CCDC7: variants seen among roughly 807,000 people sequenced by gnomAD.
The protein encoded by CCDC7 is coiled-coil domain-containing protein 7.
Under a neutral mutation model 196.9 loss-of-function variants are expected in CCDC7, and 183 were observed. The ratio of observed to expected loss-of-function variants is 0.93; its 90% confidence interval spans 0.82 to 1.05. CCDC7 has a LOEUF of 1.05. Ranked by LOEUF, CCDC7 falls within the 50% of genes least tolerant of loss-of-function variation. The probability of loss-of-function intolerance (pLI) is 0.00; values close to 1 mark genes in which losing one functional copy is unlikely to be tolerated. For synonymous variants in CCDC7, 525 were observed against 484.6 expected, an observed-to-expected ratio of 1.08 and a Z score of -1.10; for missense variants, 1,540 against 1,482.2, an observed-to-expected ratio of 1.04 and a Z score of -0.64.
chr10:32,849,701 C>CAAAAAAAAAAAAAAAAA (rs34677799), intron 39 of CCDC7, among the ~76,000 whole-genome samples: 6 of 80,810 alleles, frequency 7.4e-5, no homozygotes, highest in African/African-American at 1.6e-4. Context: ...GACTCCGTCT[C>CAAAAAAAAAAAAAAAAA]AAAAAAAAAA....
At chr10:32,825,334 A>C (rs2090950151) in intron 32 of CCDC7, among the ~76,000 whole-genome samples, 1 of 152,168 alleles carries the variant, frequency 6.6e-6, no homozygotes, top group Non-Finnish European at 1.5e-5. Context: ...GTGGCTGGGA[A>C]AGGCAGACAC....
intron 25 of CCDC7, among the ~76,000 whole-genome samples, chr10:32,720,622 C>T (rs2082272557): frequency 6.6e-6 from 1 of 152,018 alleles, no homozygotes; most frequent in African/African-American, 2.4e-5. Flanking sequence ...AACGATTCCC[C>T]TAAGAACATA....
intron 8 of CCDC7, among the ~76,000 whole-genome samples, chr10:32,485,891 T>A (rs893723581): frequency 9.9e-5 from 15 of 152,212 alleles, no homozygotes; most frequent in African/African-American, 3.6e-4. Context: ...TTCTTTTACA[T>A]TTGCTGAGGA....
intron 20 of CCDC7, among the ~76,000 whole-genome samples, chr10:32,640,731 T>G (rs867289306): frequency 5.4e-4 from 82 of 152,292 alleles, no homozygotes; most frequent in African/African-American, 1.6e-3. Context: ...CAGCATTTGC[T>G]TGTCCGTAAA....
intron 9 of CCDC7, among the ~76,000 whole-genome samples, chr10:32,495,626 C>G (rs1394786353): frequency 6.6e-6 from 1 of 152,138 alleles, no homozygotes; most frequent in East Asian, 1.9e-4. Context: ...CCAGTTTTCC[C>G]AACACCATTT....
At chr10:32,640,291 T>G (rs1390751215) in intron 20 of CCDC7, among the ~76,000 whole-genome samples, 1 of 152,214 alleles carries the variant, frequency 6.6e-6, no homozygotes, top group Non-Finnish European at 1.5e-5. Context: ...TTTACCATTA[T>G]GTAATGGCTT....
intron 28 of CCDC7, among the ~76,000 whole-genome samples, chr10:32,777,679 A>G (rs1019190248): frequency 6.6e-6 from 1 of 152,066 alleles, no homozygotes; most frequent in Non-Finnish European, 1.5e-5. Flanking sequence ...CAACATGGTG[A>G]AACCCCATCT....
At chr10:32,705,921 G>A (rs952174411) in intron 24 of CCDC7, among the ~76,000 whole-genome samples, 1 of 152,042 alleles carries the variant, frequency 6.6e-6, no homozygotes, top group East Asian at 1.9e-4. Context: ...GAGACAGAAA[G>A]TTAACAAGGA....
intron 18 of CCDC7, among the ~76,000 whole-genome samples, chr10:32,621,095 A>G (rs953368811): frequency 6.6e-6 from 1 of 152,160 alleles, no homozygotes; most frequent in Non-Finnish European, 1.5e-5. Flanking sequence ...CAGTGTAATT[A>G]CTAATAGCAA....
intron 18 of CCDC7, among the ~76,000 whole-genome samples, chr10:32,595,321 C>A (rs1024630835): frequency 6.6e-6 from 1 of 152,122 alleles, no homozygotes; most frequent in African/African-American, 2.4e-5. Context: ...TCTAGATTTT[C>A]TAGTTTATTT....
At chr10:32,637,549 G>T (rs180759895) in intron 20 of CCDC7, among the ~76,000 whole-genome samples, 1,579 of 152,220 alleles carry the variant, frequency 0.01, 19 homozygotes, top group African/African-American at 0.035. Context: ...TAGATATGCG[G>T]CATTATTTCT....
At chr10:32,449,689 G>T (rs151039730), upstream of CCDC7, among the ~76,000 whole-genome samples, 131 of 152,196 alleles carry the variant, frequency 8.6e-4, no homozygotes, top group African/African-American at 3.0e-3. Flanking sequence ...TATTTCCTGT[G>T]GTCTGAATGC....
chr10:32,709,838 A>G (rs1474194999), intron 24 of CCDC7, among the ~76,000 whole-genome samples: 1 of 152,140 alleles, frequency 6.6e-6, no homozygotes, highest in Non-Finnish European at 1.5e-5. Context: ...TTATAACCCT[A>G]GAAATCTGAG....
At chr10:32,810,676 T>C (rs2086886384) in intron 30 of CCDC7, among the ~76,000 whole-genome samples, 1 of 152,098 alleles carries the variant, frequency 6.6e-6, no homozygotes, top group African/African-American at 2.4e-5. Context: ...CCCTAACAGA[T>C]AATTACAAAG....
At chr10:32,464,967 G>A (rs1564357828) in intron 5 of CCDC7, among the ~76,000 whole-genome samples, 1 of 151,876 alleles carries the variant, frequency 6.6e-6, no homozygotes, top group Non-Finnish European at 1.5e-5. Context: ...TTATTAGCCT[G>A]TTTTTAAAAA....
intron 25 of CCDC7, among the ~76,000 whole-genome samples, chr10:32,723,101 G>A (rs945938873): frequency 6.6e-6 from 1 of 152,034 alleles, no homozygotes; most frequent in Non-Finnish European, 1.5e-5. Flanking sequence ...CACCCTGTAG[G>A]GCCCCATGGC....
chr10:32,716,746 T>G (rs897849464), intron 25 of CCDC7, among the ~76,000 whole-genome samples: 1 of 152,114 alleles, frequency 6.6e-6, no homozygotes, highest in Non-Finnish European at 1.5e-5. Context: ...GGGGTTGCAA[T>G]CCTAGTCTCT....
chr10:32,855,941 T>C (rs2093736217), intron 41 of CCDC7, among the ~76,000 whole-genome samples: 1 of 152,166 alleles, frequency 6.6e-6, no homozygotes, highest in African/African-American at 2.4e-5. Flanking sequence ...TATGGTCAAA[T>C]GATTTTTTAC....
At chr10:32,467,826 A>G (rs1255398177) in intron 5 of CCDC7, among the ~76,000 whole-genome samples, 1 of 152,162 alleles carries the variant, frequency 6.6e-6, no homozygotes, top group Admixed American at 6.6e-5. Flanking sequence ...TCCCAGCCTC[A>G]TTTATTGAAT....
Sources: gnomAD v4.1 joint callset for allele counts (sites outside exome capture counted in the v4.1 genomes callset) on GRCh38, gnomAD v4.1.1 for gene constraint, MANE v1.5 for transcripts, NCBI Gene and HGNC (gene_info 2026-07-23, HGNC 2026-07-21) for gene names.